NREP: variants seen among roughly 807,000 people sequenced by gnomAD.
The protein encoded by NREP is neuronal regeneration-related protein.
Under a neutral mutation model 8.6 loss-of-function variants are expected in NREP, and 5 were observed. The observed-to-expected ratio is 0.58, with a 90% CI of 0.30 to 1.22. The LOEUF is 1.22. NREP is among the 50% of genes most tolerant of loss of function. The pLI is 0.07. For missense variants in NREP, 86 were observed against 82.5 expected, an observed-to-expected ratio of 1.04 and a Z score of -0.17; for synonymous variants, 27 against 28.0, an observed-to-expected ratio of 0.96 and a Z score of 0.11.
At chr5:111,883,588 G>A (rs1057269800) in intron 2 of NREP, among the ~76,000 whole-genome samples, 8 of 152,090 alleles carry the variant, frequency 5.3e-5, no homozygotes, top group African/African-American at 1.7e-4. Context: ...GCCCTCCTCA[G>A]CAAATGTAAA....
At chr5:111,923,578 G>A (rs903788889) in intron 2 of NREP, among the ~76,000 whole-genome samples, 5 of 152,184 alleles carry the variant, frequency 3.3e-5, no homozygotes, top group African/African-American at 1.2e-4. Flanking sequence ...GCCACATTAT[G>A]TGGGGTATAA....
At chr5:111,755,721 A>C in intron 2 of NREP, 49 bp downstream of exon 2, 1 of 1,600,016 alleles carries the variant, frequency 6.2e-7, no homozygotes, top group Non-Finnish European at 8.6e-7. Context: ...TTTATATGTA[A>C]CAGACTGGTA....
intron 2 of NREP, among the ~76,000 whole-genome samples, chr5:111,849,546 A>G (rs2112959081): frequency 6.6e-6 from 1 of 152,302 alleles, no homozygotes; most frequent in East Asian, 1.9e-4. Flanking sequence ...TGGACAATGA[A>G]TTGGAAGACA....
chr5:111,938,005 A>G (rs1340204244), intron 2 of NREP, among the ~76,000 whole-genome samples: 3 of 151,892 alleles, frequency 2.0e-5, no homozygotes, highest in African/African-American at 7.3e-5. Context: ...TGCTCTTGTA[A>G]TCTAACCTCA....
At chr5:111,766,832 C>T (rs1015364000) in intron 2 of NREP, among the ~76,000 whole-genome samples, 6 of 152,198 alleles carry the variant, frequency 3.9e-5, no homozygotes, top group South Asian at 2.1e-4. Context: ...GAATTTTCCT[C>T]GGAAGGACTT....
intron 2 of NREP, among the ~76,000 whole-genome samples, chr5:111,821,846 G>T (rs929760164): frequency 2.0e-5 from 3 of 152,078 alleles, no homozygotes; most frequent in African/African-American, 7.2e-5. Context: ...ACTCAGAAGA[G>T]GGTATTTATA....
intron 2 of NREP, among the ~76,000 whole-genome samples, chr5:111,747,106 A>C (rs892516911): frequency 6.6e-6 from 1 of 152,182 alleles, no homozygotes; most frequent in East Asian, 1.9e-4. Context: ...AGTGGGAGGC[A>C]TGAAACAGTA....
chr5:111,790,121 C>T (rs945457671), intron 2 of NREP, among the ~76,000 whole-genome samples: 4 of 152,016 alleles, frequency 2.6e-5, no homozygotes, highest in African/African-American at 9.7e-5. Context: ...ATAGTTAATT[C>T]AAAATCAGAA....
chr5:111,820,007 T>G (rs1752479710), intron 2 of NREP, among the ~76,000 whole-genome samples: 1 of 152,132 alleles, frequency 6.6e-6, no homozygotes, highest in Non-Finnish European at 1.5e-5. Flanking sequence ...TTGATCAAAC[T>G]TTAGTCAGAT....
chr5:111,878,909 T>G (rs1275542714), intron 2 of NREP, among the ~76,000 whole-genome samples: 2 of 152,224 alleles, frequency 1.3e-5, no homozygotes, highest in Non-Finnish European at 2.9e-5. Flanking sequence ...CAGCGAATAC[T>G]CCTTCAACCC....
rs149079431 is a variant in NREP, at chr5:111,906,394, A to G, written c.135+68880T>C. 2.5e-3 allele frequency among the ~76,000 whole-genome samples: 388 copies of G among 152,222 alleles called. 3 individuals are homozygous for G. The highest frequency in any genetic ancestry group is 8.7e-3 in the African/African-American group (363 of 41,572). On this transcript the variant is annotated intron_variant, in intron 2 of 3. Transcript: ENST00000395634. ...GCAAGTAGCTTTTTAAGAATTATGG[A>G]CTATATTCAGCTGCAATTAAGCAAA... is the stretch of plus-strand genomic sequence containing the variant.
intron 2 of NREP, among the ~76,000 whole-genome samples, chr5:111,830,358 A>G (rs1752735680): frequency 6.6e-6 from 1 of 152,250 alleles, no homozygotes; most frequent in Non-Finnish European, 1.5e-5. Flanking sequence ...AAACAAACAA[A>G]TAAACAAAAG....
intron 2 of NREP, among the ~76,000 whole-genome samples, chr5:111,796,236 C>T (rs75316394): frequency 0.023 from 3,474 of 152,198 alleles, 153 homozygotes; most frequent in African/African-American, 0.08. Flanking sequence ...TCTTGCCTCT[C>T]GCCTCTAGCT....
chr5:111,884,600 G>A (rs140431558), intron 2 of NREP, among the ~76,000 whole-genome samples: 8,321 of 147,856 alleles, frequency 0.056, 553 homozygotes, highest in East Asian at 0.23. Context: ...ACCGAATCCA[G>A]CAGCACATCA....
At chr5:111,788,923 G>C (rs1398125084) in intron 2 of NREP, among the ~76,000 whole-genome samples, 1 of 152,148 alleles carries the variant, frequency 6.6e-6, no homozygotes, top group African/African-American at 2.4e-5. Context: ...CCCTGATTAA[G>C]AGCAAATTCT....
At chr5:111,875,642 ACAAT>A (rs1400896825) in intron 2 of NREP, among the ~76,000 whole-genome samples, 1 of 152,208 alleles carries the variant, frequency 6.6e-6, no homozygotes, top group African/African-American at 2.4e-5. Flanking sequence ...TCATTCAGAA[ACAAT>A]CAAGCTAACC....
intron 2 of NREP, among the ~76,000 whole-genome samples, chr5:111,886,633 T>A (rs1168453156): frequency 6.6e-6 from 1 of 150,986 alleles, no homozygotes; most frequent in East Asian, 1.9e-4. Context: ...CATGGAATAC[T>A]ATGCAGCCAT....
intron 2 of NREP, among the ~76,000 whole-genome samples, chr5:111,893,466 T>C (rs1754439534): frequency 6.6e-6 from 1 of 151,938 alleles, no homozygotes; most frequent in South Asian, 2.1e-4. Flanking sequence ...TCAAACATCC[T>C]TTTAAAAGGT....
intron 2 of NREP, among the ~76,000 whole-genome samples, chr5:111,871,337 A>G (rs1753786331): frequency 6.6e-6 from 1 of 152,134 alleles, no homozygotes. Context: ...TATGGTAAAG[A>G]TAAAAGATTT....
Sources: allele counts gnomAD v4.1 joint callset (sites outside exome capture counted in the v4.1 genomes callset), GRCh38; gene constraint gnomAD v4.1.1; transcripts MANE v1.5; gene names NCBI Gene and HGNC (gene_info 2026-07-23, HGNC 2026-07-21).